Variants in YWHAQ observed in about 807,000 individuals in gnomAD.
YWHAQ encodes 14-3-3 protein theta.
A neutral mutation model predicts 28.3 loss-of-function variants in YWHAQ; 6 were observed. The observed-to-expected ratio is 0.21, with a 90% CI of 0.12 to 0.42. The LOEUF is 0.42. YWHAQ is among the 10% of genes least tolerant of loss of function. The pLI is 1.00. For missense variants in YWHAQ, 201 were observed against 305.6 expected (o/e 0.66, Z 2.55); for synonymous variants, 143 against 119.1 (o/e 1.20, Z -1.31).
At chr2:9,603,327 T>C (rs976496796) in intron 2 of YWHAQ, among the ~76,000 whole-genome samples, 1 of 150,836 alleles carries the variant, frequency 6.6e-6, no homozygotes, top group Non-Finnish European at 1.5e-5. Context: ...TGAAGTGCAG[T>C]GACACGATCT....
At chr2:9,624,548 G>GA (rs1184550892) in intron 2 of YWHAQ, among the ~76,000 whole-genome samples, 6 of 152,048 alleles carry the variant, frequency 3.9e-5, no homozygotes, top group African/African-American at 1.4e-4. Context: ...CTTCGTTGGG[G>GA]AGTGTCCTGT....
chr2:9,596,256 C>T (rs1179310453), intron 2 of YWHAQ, among the ~76,000 whole-genome samples: 1 of 149,826 alleles, frequency 6.7e-6, no homozygotes, highest in African/African-American at 2.5e-5. Context: ...AGAAGAACAA[C>T]AAAACCCCCA....
At chr2:9,624,765 A>C (rs1198262277) in intron 2 of YWHAQ, among the ~76,000 whole-genome samples, 1 of 150,044 alleles carries the variant, frequency 6.7e-6, no homozygotes, top group Non-Finnish European at 1.5e-5. Context: ...TTTTTTTTTG[A>C]GACAAGAGTT....
At chr2:9,597,936 C>T (rs1315954530) in intron 2 of YWHAQ, among the ~76,000 whole-genome samples, 1 of 150,258 alleles carries the variant, frequency 6.7e-6, no homozygotes, top group East Asian at 2.0e-4. Flanking sequence ...TCTCCTGCCT[C>T]AGCCTCCCGA....
At position 9,630,435 on chromosome 2, in the gene YWHAQ, C is replaced by T; in HGVS notation, c.18G>A (p.Leu6=). MEKTE[L]IQKAKLAEQA... is the part of the protein sequence containing the mutation. ...GCTCGGCCAGCTTGGCCTTCTGGAT[C>T]AGCTCAGTCTTCTCCATGGCGGGCG... The change falls in exon 2 of 6, where the codon CTG becomes CTA. Residue 6 remains leucine (L), a synonymous_variant. Coordinates refer to ENST00000238081, the MANE Select transcript of YWHAQ (RefSeq NM_006826.4). This position sits in a 1 kb window ranked among gnomAD's most constrained non-coding sequence, Gnocchi z 5.6. The T allele has an allele frequency of 6.2e-7, 1 of 1,610,556 alleles. No individual in the cohort carries two copies. The highest frequency in any genetic ancestry group is 8.5e-7 in the Non-Finnish European group (1 of 1,179,750).
Position 9,594,005 on chromosome 2 carries a change from G to A in YWHAQ, c.295-2490C>T, listed in dbSNP as rs988907918. ...CACACACACACACACACACACGCAC[G>A]CACAAAAAATTAGTATAAAATTATG... On this transcript the variant is annotated intron_variant, in intron 2 of 5. Coordinates refer to ENST00000238081, the MANE Select transcript of YWHAQ (RefSeq NM_006826.4). Among the ~76,000 whole-genome samples, 95 of 141,524 alleles carry A rather than the reference G, an allele frequency of 6.7e-4. 1 individual carries two copies. The highest frequency in any genetic ancestry group is 2.3e-3 in the African/African-American group (87 of 37,514). The allele number at this position is 141,524 out of a possible 152,430, so 92.8% of individuals were successfully genotyped here.
chr2:9,596,278 A>G (rs1220445170), intron 2 of YWHAQ, among the ~76,000 whole-genome samples: 2 of 152,062 alleles, frequency 1.3e-5, no homozygotes, highest in African/African-American at 4.8e-5. Context: ...ACGATCTTCA[A>G]GAGTTAACTA....
At chr2:9,600,552 A>G (rs1666672242) in intron 2 of YWHAQ, among the ~76,000 whole-genome samples, 1 of 152,030 alleles carries the variant, frequency 6.6e-6, no homozygotes, top group South Asian at 2.1e-4. Context: ...CTAAAAATAC[A>G]AAATTAGTTG....
chr2:9,618,583 T>A (rs1444519050), intron 2 of YWHAQ, among the ~76,000 whole-genome samples: 1 of 152,090 alleles, frequency 6.6e-6, no homozygotes, highest in Non-Finnish European at 1.5e-5. Context: ...GACGGATCAC[T>A]GCAGCCTAAA....
chr2:9,611,810 ACAGGTGTGCAC>A (rs544266808), intron 2 of YWHAQ, among the ~76,000 whole-genome samples: 79 of 152,288 alleles, frequency 5.2e-4, no homozygotes, highest in Middle Eastern at 6.8e-3. Context: ...AGCTGGGATT[ACAGGTGTGCAC>A]CACCACGCCC....
intron 2 of YWHAQ, among the ~76,000 whole-genome samples, chr2:9,608,778 G>A (rs1377003745): frequency 4.6e-5 from 7 of 152,048 alleles, no homozygotes; most frequent in South Asian, 2.1e-4. Context: ...GCGAAACCCC[G>A]TCCCTACAAA....
intron 2 of YWHAQ, among the ~76,000 whole-genome samples, chr2:9,594,306 A>G (rs1666524578): frequency 6.6e-6 from 1 of 152,216 alleles, no homozygotes; most frequent in East Asian, 1.9e-4. Flanking sequence ...TTAAAAAATT[A>G]TATTACTTTA....
intron 2 of YWHAQ, among the ~76,000 whole-genome samples, chr2:9,595,853 G>A (rs1666559463): frequency 6.6e-6 from 1 of 152,194 alleles, no homozygotes; most frequent in Admixed American, 6.5e-5. Flanking sequence ...GGTGGGCTAA[G>A]ACTGAAGGTC....
intron 2 of YWHAQ, among the ~76,000 whole-genome samples, chr2:9,597,273 T>C (rs1347097592): frequency 6.6e-6 from 1 of 152,190 alleles, no homozygotes; most frequent in Non-Finnish European, 1.5e-5. Context: ...CATCAATTCA[T>C]CTATGGAAAT....
chr2:9,606,245 T>C (rs1666825059), intron 2 of YWHAQ, among the ~76,000 whole-genome samples: 1 of 152,104 alleles, frequency 6.6e-6, no homozygotes, highest in African/African-American at 2.4e-5. Flanking sequence ...TCAACATCTT[T>C]CTGAACCCAG....
At chr2:9,585,442 T>C in intron 5 of YWHAQ, 97 bp from the exon 6 acceptor site, 1 of 1,355,660 alleles carries the variant, frequency 7.4e-7, no homozygotes, top group Non-Finnish European at 1.0e-6. Flanking sequence ...GAGTAGTAAA[T>C]TCCTCAAACA....
At chr2:9,622,648 A>G (rs1265462269) in intron 2 of YWHAQ, among the ~76,000 whole-genome samples, 1 of 152,258 alleles carries the variant, frequency 6.6e-6, no homozygotes, top group Non-Finnish European at 1.5e-5. Flanking sequence ...AACAAAGAAT[A>G]GTACAATGAA....
At chr2:9,614,694 T>C (rs1317290394) in intron 2 of YWHAQ, among the ~76,000 whole-genome samples, 3 of 152,188 alleles carry the variant, frequency 2.0e-5, no homozygotes, top group South Asian at 4.1e-4. Context: ...CAAGTATACT[T>C]TGATTTGAGC....
At chr2:9,600,327 G>A (rs891923380) in intron 2 of YWHAQ, among the ~76,000 whole-genome samples, 5 of 152,218 alleles carry the variant, frequency 3.3e-5, no homozygotes, top group Admixed American at 6.5e-5. Flanking sequence ...ATAGAGCAGT[G>A]GCAGGGTTTG....
Sources: gnomAD v4.1 joint callset for allele counts (sites outside exome capture counted in the v4.1 genomes callset) on GRCh38, gnomAD v4.1.1 for gene constraint, Gnocchi (gnomAD v3.1) non-coding constraint, MANE v1.5 for transcripts, NCBI Gene and HGNC (gene_info 2026-07-23, HGNC 2026-07-21) for gene names.